CHUK: variants seen among roughly 807,000 people sequenced by gnomAD.
CHUK encodes component of inhibitor of nuclear factor kappa B kinase complex, also known as inhibitor of nuclear factor kappa-B kinase subunit alpha.
In CHUK, 35 loss-of-function variants were observed where a neutral mutation model predicts 104.8. The observed-to-expected ratio is 0.33, with a 90% confidence interval of 0.26 to 0.44. The LOEUF (loss-of-function observed/expected upper bound fraction) is 0.44. CHUK is among the 20% of genes least tolerant of loss of function. The pLI is 1.00. For missense variants in CHUK, 663 were observed against 902.7 expected (o/e 0.73, Z 3.40); for synonymous variants, 276 against 291.9 (o/e 0.95, Z 0.56).
rs780979648 is a variant in CHUK, at chr10:100,209,752, A to G, written c.971T>C (p.Ile324Thr). Residue 324 changes from isoleucine (I) to threonine (T), a missense_variant, in exon 10 of 21, where the codon ATT (isoleucine) becomes ACT (threonine). Around this residue, in one of 5 missense-constraint regions of CHUK, gnomAD observed 93 missense variants for 95.9 expected, o/e 0.97. Coordinates refer to ENST00000370397, the MANE Select transcript of CHUK (RefSeq NM_001278.5). ...TTCATCAGGTGGTAACAGAAAAGAA[A>G]TTATCTTTGCAGAAGTCATATTTAG... ...HILNMTSAKIISFLLPPDESL... is the reference protein window; with the variant it reads ...HILNMTSAKITSFLLPPDESL... The G allele has an allele frequency of 5.9e-6, 9 of 1,533,978 alleles. No individual in the cohort carries two copies. Among genetic ancestry groups the G allele is most frequent in the Non-Finnish European group, 8.1e-6 (9 of 1,107,174 alleles).
chr10:100,212,046 C>G (rs979215681), intron 9 of CHUK, among the ~76,000 whole-genome samples: 2 of 152,058 alleles, frequency 1.3e-5, no homozygotes, highest in African/African-American at 4.8e-5. Context: ...CCATGCCCAG[C>G]TAATTTTTGT....
At chr10:100,224,866 T>C (rs565340840) in intron 2 of CHUK, among the ~76,000 whole-genome samples, 99 of 152,128 alleles carry the variant, frequency 6.5e-4, no homozygotes, top group African/African-American at 2.2e-3. Flanking sequence ...TCCTTTTTTT[T>C]CAGACAGGGT....
At chr10:100,195,191 T>C (rs868748966) in intron 16 of CHUK, 2 of 152,216 alleles carry the variant, frequency 1.3e-5, no homozygotes, top group African/African-American at 4.8e-5. Context: ...TTAATTGTTA[T>C]ATTTCAGAAA....
intron 4 of CHUK, among the ~76,000 whole-genome samples, chr10:100,221,214 A>T (rs557878066): frequency 1.3e-5 from 2 of 152,282 alleles, no homozygotes; most frequent in African/African-American, 4.8e-5. Flanking sequence ...AGGCGGGCAG[A>T]TCACGAGGTC....
intron 13 of CHUK, 142 bp downstream of exon 13, chr10:100,204,364 A>G (rs1406639605): frequency 2.8e-6 from 2 of 712,840 alleles, no homozygotes; most frequent in Non-Finnish European, 4.9e-6. Flanking sequence ...CAAAACAAAC[A>G]TGGTTTATGT....
At chr10:100,203,237 A>AT (rs1185076911) in intron 13 of CHUK, among the ~76,000 whole-genome samples, 1 of 152,078 alleles carries the variant, frequency 6.6e-6, no homozygotes. Context: ...TATACTCTTT[A>AT]TTTTTTCCCA....
intron 3 of CHUK, 70 bp downstream of exon 3, chr10:100,222,796 T>C: frequency 1.2e-6 from 1 of 812,734 alleles, no homozygotes; most frequent in Non-Finnish European, 2.2e-6. Flanking sequence ...TAGTTTATTA[T>C]ATTTAACATG....
chr10:100,200,036 C>T lies in CHUK; in HGVS notation c.1680-16G>A, dbSNP rs749202853. On this transcript the variant is annotated splice_polypyrimidine_tract_variant and intron_variant, in intron 15 of 20. Coordinates refer to ENST00000370397, the MANE Select transcript of CHUK (RefSeq NM_001278.5). ...ACGCTGTTCCCTATAAAAGAGAAAACACGCTCTGATAAGTGAAGGTAATTT... is the reference window on the plus strand; with the variant it reads ...ACGCTGTTCCCTATAAAAGAGAAAATACGCTCTGATAAGTGAAGGTAATTT... 1.9e-5 allele frequency: 30 copies of T among 1,596,154 alleles called. No homozygotes were observed. Among genetic ancestry groups the T allele is most frequent in the Non-Finnish European group, 2.4e-5 (28 of 1,163,928 alleles).
At chr10:100,218,505 A>G (rs1361158888) in intron 8 of CHUK, among the ~76,000 whole-genome samples, 1 of 152,214 alleles carries the variant, frequency 6.6e-6, no homozygotes, top group Non-Finnish European at 1.5e-5. Flanking sequence ...GTGGCTATTT[A>G]TATTTACTAT....
intron 14 of CHUK, 144 bp downstream of exon 14, chr10:100,201,944 C>G (rs1051554159): frequency 1.4e-5 from 10 of 707,332 alleles, no homozygotes; most frequent in Admixed American, 2.1e-5. Context: ...ATACATCCCT[C>G]TTTATATACA....
chr10:100,223,017 A>G, intron 2 of CHUK, 37 bp from the exon 3 acceptor site: 2 of 1,083,126 alleles, frequency 1.8e-6, no homozygotes, highest in Non-Finnish European at 2.8e-6. Context: ...AAAAAAAATT[A>G]TTTCCAATAA....
chr10:100,202,699 AC>A (rs1187926644), intron 13 of CHUK, among the ~76,000 whole-genome samples: 1 of 152,148 alleles, frequency 6.6e-6, no homozygotes, highest in African/African-American at 2.4e-5. Context: ...AATACAGATG[AC>A]TTTTTTCTTA....
rs1046843576 is a variant in CHUK at position 100,193,464 on chromosome 10, C to T, written c.1975-33G>A. 7 of 1,613,210 alleles carry T rather than the reference C, an allele frequency of 4.3e-6. No homozygotes were observed. In the South Asian group the frequency reaches 4.4e-5, roughly 10 times the overall value. On this transcript the variant is annotated intron_variant, in intron 18 of 20. Transcript: ENST00000370397. ...AAAAGAAAAAAACATCAAAAGATTA[C>T]AGGCAAGCATCTCTGTTGATTCACA... is the stretch of plus-strand genomic sequence containing the variant.
At chr10:100,201,965 T>C in intron 14 of CHUK, 123 bp downstream of exon 14, 1 of 779,816 alleles carries the variant, frequency 1.3e-6, no homozygotes, top group African/African-American at 1.7e-5. Flanking sequence ...AAGCATCTAC[T>C]AGAATTTTGT....
intron 10 of CHUK, among the ~76,000 whole-genome samples, chr10:100,209,130 AAAG>A (rs1397064287): frequency 6.6e-6 from 1 of 152,244 alleles, no homozygotes; most frequent in African/African-American, 2.4e-5. Flanking sequence ...CTACAGATTA[AAAG>A]AAGTTAATCA....
At position 100,222,849 on chromosome 10, in the gene CHUK, C is replaced by G. The variant is rs532237334; in HGVS notation, c.315+17G>C. The G allele has an allele frequency of 8.2e-6, 10 of 1,214,836 alleles. 1 individual carries two copies. Among genetic ancestry groups the G allele is most frequent in the Middle Eastern group, 1.9e-4 (1 of 5,280 alleles). The allele number at this position is 1,214,836 out of a possible 1,614,324, so 75.3% of individuals were successfully genotyped here. A position where few individuals can be genotyped will look rare whatever the true frequency, so the allele number is the denominator to read the frequency against. ...GTTTGTGATTTACTCTCTCTCATCT[C>G]AAAACATCCACACTACCTTTCGGAG... On this transcript the variant is annotated intron_variant, in intron 3 of 20. Coordinates refer to ENST00000370397, the MANE Select transcript of CHUK (RefSeq NM_001278.5).
chr10:100,217,296 G>A (rs1028350947), intron 9 of CHUK, among the ~76,000 whole-genome samples: 7 of 148,542 alleles, frequency 4.7e-5, no homozygotes, highest in Admixed American at 1.3e-4. Context: ...TTGGGCAGAA[G>A]AATAAAAAAG....
chr10:100,226,308 A>G (rs954605486), intron 1 of CHUK, among the ~76,000 whole-genome samples: 3 of 152,192 alleles, frequency 2.0e-5, no homozygotes, highest in African/African-American at 7.2e-5. Flanking sequence ...TTAGAAAAAA[A>G]AAGATCCTGT....
intron 11 of CHUK, 26 bp from the exon 12 acceptor site, chr10:100,205,225 G>C: frequency 6.2e-7 from 1 of 1,612,308 alleles, no homozygotes; most frequent in South Asian, 1.1e-5. Flanking sequence ...TGAGAAAAAG[G>C]GCAAGGGAGG....
Sources: gnomAD v4.1 joint callset for allele counts (sites outside exome capture counted in the v4.1 genomes callset) on GRCh38, gnomAD v4.1.1 for gene constraint, gnomAD v4.1.1 regional missense constraint, MANE v1.5 for transcripts, NCBI Gene and HGNC (gene_info 2026-07-23, HGNC 2026-07-21) for gene names.